Variants in MIGA1 observed in about 807,000 individuals in gnomAD.
MIGA1 encodes the protein family with sequence similarity 73, member A.
In MIGA1, 58 loss-of-function variants were observed where a neutral mutation model predicts 82.0. The ratio of observed to expected loss-of-function variants is 0.71; its 90% confidence interval spans 0.57 to 0.88. The LOEUF (loss-of-function observed/expected upper bound fraction) is 0.88. Ranked by LOEUF, MIGA1 falls within the 40% of genes least tolerant of loss-of-function variation. MIGA1 has a pLI of 0.00. For synonymous variants in MIGA1, 249 were observed against 253.6 expected (o/e 0.98, Z 0.17); for missense variants, 751 against 749.1 (o/e 1.00, Z -0.03).
chr1:77,862,672 A>G (rs1185179460), intron 12 of MIGA1, among the ~76,000 whole-genome samples: 2 of 150,454 alleles, frequency 1.3e-5, no homozygotes, highest in Admixed American at 6.6e-5. Flanking sequence ...ACACACACAC[A>G]CAAAAGGAAT....
At chr1:77,787,026 T>C (rs1244667416) in intron 2 of MIGA1, among the ~76,000 whole-genome samples, 1 of 152,190 alleles carries the variant, frequency 6.6e-6, no homozygotes, top group Non-Finnish European at 1.5e-5. Flanking sequence ...TGGGGAGGCC[T>C]CACAATCATG....
At chr1:77,807,291 T>G (rs376909812) in intron 5 of MIGA1, among the ~76,000 whole-genome samples, 190 bp downstream of exon 5, 2 of 152,060 alleles carry the variant, frequency 1.3e-5, no homozygotes, top group Non-Finnish European at 2.9e-5. Flanking sequence ...CCTCCTGAGT[T>G]GCTGGGACCA....
chr1:77,865,962 G>C (rs1360214810), intron 13 of MIGA1, among the ~76,000 whole-genome samples: 1 of 152,086 alleles, frequency 6.6e-6, no homozygotes, highest in Non-Finnish European at 1.5e-5. Flanking sequence ...CGCTAGGCTG[G>C]AGTGCAGTGG....
rs769076817 is a variant in MIGA1, at chr1:77,873,100, GATTTATGTT to G, written c.1661_1669del (p.Asp554_Cys557delinsGly). On this transcript the variant is annotated inframe_deletion, in exon 15 of 16. Transcript: ENST00000370791. Reference sequence around the variant, plus strand: ...TTTGGGTCCTAGAAATTCTCTGTATGATTTATGTTGCTTTTTTAAGGTATGTTCAGTCAT... The same window carrying G: ...TTTGGGTCCTAGAAATTCTCTGTATGGCTTTTTTAAGGTATGTTCAGTCAT... 1 of 1,613,090 alleles carries G rather than the reference GATTTATGTT, an allele frequency of 6.2e-7. No homozygotes were observed. The highest frequency in any genetic ancestry group is 1.3e-5 in the African/African-American group (1 of 74,862).
chr1:77,878,098 A>C lies in MIGA1; in HGVS notation c.*3034A>C, dbSNP rs1389737917. 3.3e-5 allele frequency: 5 copies of C among 152,196 alleles called. No individual in the cohort carries two copies. The highest frequency in any genetic ancestry group is 1.2e-4 in the African/African-American group (5 of 41,442). 9.4% of individuals were successfully genotyped at this position (152,196 alleles called of 1,614,324 possible). A position where few individuals can be genotyped will look rare whatever the true frequency, so the allele number is the denominator to read the frequency against. The stretch of plus-strand genomic sequence containing the variant: ...CTGACTGCATGCAGAAGGGTACTTA[A>C]GACATATATAACAGGCCAGGAGCAG... On this transcript the variant is annotated 3_prime_UTR_variant, in exon 16 of 16. Transcript: ENST00000370791.
rs1685564771 is a variant in MIGA1 at position 77,863,946 on chromosome 1, C to A, written c.1427C>A (p.Ser476Tyr). The A allele has an allele frequency of 6.3e-7, 1 of 1,599,874 alleles. No individual in the cohort carries two copies. Among genetic ancestry groups the A allele is most frequent in the Non-Finnish European group, 8.5e-7 (1 of 1,172,810 alleles). Residue 476 changes from serine (S) to tyrosine (Y), a missense_variant, in exon 13 of 16, where the codon TCC becomes TAC. By Grantham distance (144) the Ser-to-Tyr change is moderately radical. Coordinates refer to ENST00000370791, the MANE Select transcript of MIGA1 (RefSeq NM_198549.4). ...GTTCTGGATTTTATATTAATGGACTCCTTTGAAGATTTGGAAAACCCACCC... is the reference window on the plus strand; with the variant it reads ...GTTCTGGATTTTATATTAATGGACTACTTTGAAGATTTGGAAAACCCACCC...
chr1:77,849,837 ACCAGCCTGGCCAACATGGTGAAAC>A (rs1217297354), intron 8 of MIGA1, among the ~76,000 whole-genome samples: 1 of 152,082 alleles, frequency 6.6e-6, no homozygotes, highest in African/African-American at 2.4e-5. Flanking sequence ...GGAGTTCTAC[ACCAGCCTGGCCAACATGGTGAAAC>A]CCAGTCTCTA....
At chr1:77,814,566 A>G (rs911274950) in intron 6 of MIGA1, among the ~76,000 whole-genome samples, 1 of 152,260 alleles carries the variant, frequency 6.6e-6, no homozygotes, top group Non-Finnish European at 1.5e-5. Flanking sequence ...CTGGCTTGGA[A>G]TTTTTTAAAG....
chr1:77,820,364 C>G (rs1430754524), intron 7 of MIGA1, among the ~76,000 whole-genome samples: 10 of 152,166 alleles, frequency 6.6e-5, no homozygotes, highest in Admixed American at 6.5e-4. Flanking sequence ...ACTAAAAGTA[C>G]AGACTGTGGA....
intron 2 of MIGA1, among the ~76,000 whole-genome samples, chr1:77,791,257 A>C (rs113115312): frequency 0.04 from 5,982 of 150,620 alleles, 140 homozygotes; most frequent in Middle Eastern, 0.079. Flanking sequence ...AAAAAAAAAA[A>C]AAAAAAAACA....
chr1:77,830,580 G>A (rs754995685), intron 7 of MIGA1, among the ~76,000 whole-genome samples: 28 of 151,684 alleles, frequency 1.8e-4, no homozygotes, highest in East Asian at 7.7e-4. Flanking sequence ...TCCCTCTTCC[G>A]CACCCCCCTC....
chr1:77,803,126 C>G (rs890586167), intron 3 of MIGA1, 144 bp from the exon 4 acceptor site: 2 of 407,016 alleles, frequency 4.9e-6, no homozygotes, highest in Non-Finnish European at 8.6e-6. Context: ...TAATGATGTA[C>G]ATGTAATAAT....
chr1:77,802,228 T>C (rs1682914758), intron 3 of MIGA1, among the ~76,000 whole-genome samples: 1 of 152,198 alleles, frequency 6.6e-6, no homozygotes, highest in Non-Finnish European at 1.5e-5. Context: ...TATTTCGTAC[T>C]GAGTGCAGTG....
At chr1:77,812,150 C>CAACT (rs1437979191) in intron 5 of MIGA1, among the ~76,000 whole-genome samples, 4 of 151,796 alleles carry the variant, frequency 2.6e-5, no homozygotes, top group African/African-American at 9.7e-5. Flanking sequence ...CTCATCTCTA[C>CAACT]AAATAAATAA....
chr1:77,785,878 G>A (rs924852077), intron 2 of MIGA1, among the ~76,000 whole-genome samples: 4 of 152,154 alleles, frequency 2.6e-5, no homozygotes, highest in Admixed American at 6.6e-5. Flanking sequence ...TCTGGAGGAC[G>A]GTGGCCCTCT....
intron 12 of MIGA1, among the ~76,000 whole-genome samples, chr1:77,862,986 G>T (rs998960055): frequency 6.6e-6 from 1 of 151,270 alleles, no homozygotes; most frequent in African/African-American, 2.4e-5. Flanking sequence ...GCAGCTGAAA[G>T]GCCTTCTAGG....
intron 8 of MIGA1, chr1:77,848,422 A>C (rs1204961583): frequency 1.1e-6 from 1 of 923,526 alleles, no homozygotes; most frequent in African/African-American, 1.7e-5. Flanking sequence ...TATGAAAATA[A>C]TGATAAATAC....
intron 12 of MIGA1, 24 bp from the exon 13 acceptor site, chr1:77,863,870 G>A (rs767843405): frequency 6.7e-7 from 1 of 1,485,432 alleles, no homozygotes; most frequent in Non-Finnish European, 9.1e-7. Flanking sequence ...AATAATTTCT[G>A]TTTCAACTCA....
intron 5 of MIGA1, 145 bp downstream of exon 5, chr1:77,807,246 C>G: frequency 1.9e-6 from 1 of 521,690 alleles, no homozygotes; most frequent in Non-Finnish European, 3.2e-6. Context: ...ATTGCAGCCT[C>G]AACTTCCTGG....
Sources: gnomAD v4.1 joint callset for allele counts (sites outside exome capture counted in the v4.1 genomes callset) on GRCh38, gnomAD v4.1.1 for gene constraint, MANE v1.5 for transcripts, NCBI Gene and HGNC (gene_info 2026-07-23, HGNC 2026-07-21) for gene names.